The following FILIP1L variants were observed in gnomAD, a reference collection of about 807,000 sequenced individuals.
FILIP1L encodes the protein filamin A-interacting protein 1-like.
A neutral mutation model predicts 96.6 loss-of-function variants in FILIP1L; 55 were observed. The observed-to-expected ratio is 0.57, with a 90% CI of 0.46 to 0.71. FILIP1L has a LOEUF of 0.71. FILIP1L is among the 30% of genes least tolerant of loss of function. The pLI, the probability that FILIP1L is intolerant of heterozygous loss-of-function variation, is 0.00. For missense variants in FILIP1L, 1,304 were observed against 1,321.2 expected (o/e 0.99, Z 0.20); for synonymous variants, 467 against 473.9 (o/e 0.99, Z 0.19).
intron 4 of FILIP1L, among the ~76,000 whole-genome samples, chr3:99,883,243 A>G (rs2449106): frequency 0.69 from 104,527 of 152,148 alleles, 37,682 homozygotes; most frequent in African/African-American, 0.92. Flanking sequence ...AGTCCATTCC[A>G]TTCCAAACTG....
At chr3:100,055,050 T>G (rs1479084806) in intron 1 of FILIP1L, among the ~76,000 whole-genome samples, 1 of 152,178 alleles carries the variant, frequency 6.6e-6, no homozygotes, top group Non-Finnish European at 1.5e-5. Flanking sequence ...GCCCATAGTA[T>G]TTTGTTGTCA....
chr3:100,078,335 T>C (rs2065880985), intron 1 of FILIP1L, among the ~76,000 whole-genome samples: 1 of 152,232 alleles, frequency 6.6e-6, no homozygotes, highest in South Asian at 2.1e-4. Context: ...GAACTTTGCC[T>C]AATTTTTTTT....
At chr3:99,937,499 G>T (rs1285522258) in intron 1 of FILIP1L, among the ~76,000 whole-genome samples, 1 of 152,236 alleles carries the variant, frequency 6.6e-6, no homozygotes, top group East Asian at 1.9e-4. Flanking sequence ...GAATCAAATA[G>T]AACTGGTCTT....
At chr3:100,029,823 A>G (rs1184957380) in intron 1 of FILIP1L, among the ~76,000 whole-genome samples, 2 of 152,212 alleles carry the variant, frequency 1.3e-5, no homozygotes, top group Non-Finnish European at 2.9e-5. Context: ...AAAAGGGCAG[A>G]TTCTGAGTCA....
chr3:100,078,352 A>G (rs1016078045), intron 1 of FILIP1L, among the ~76,000 whole-genome samples: 6 of 152,156 alleles, frequency 3.9e-5, no homozygotes, highest in Non-Finnish European at 7.4e-5. Flanking sequence ...TTTTTCTGTT[A>G]CAGTTCTTAC....
intron 1 of FILIP1L, among the ~76,000 whole-genome samples, chr3:99,999,342 G>A (rs1381851032): frequency 2.0e-5 from 3 of 152,192 alleles, no homozygotes; most frequent in Admixed American, 6.5e-5. Flanking sequence ...AATGGAAGGC[G>A]TGTATATTCC....
intron 1 of FILIP1L, among the ~76,000 whole-genome samples, chr3:100,089,386 A>G (rs2066065827): frequency 6.6e-6 from 1 of 152,194 alleles, no homozygotes. Context: ...CTACTCAACA[A>G]TGCTAGCTAA....
chr3:99,968,419 G>T (rs1331370563), intron 1 of FILIP1L, among the ~76,000 whole-genome samples: 1 of 147,378 alleles, frequency 6.8e-6, no homozygotes, highest in Non-Finnish European at 1.5e-5. Flanking sequence ...GAAAAACTAT[G>T]TTTTTGGGGG....
chr3:99,979,209 A>G (rs770670102), intron 1 of FILIP1L, among the ~76,000 whole-genome samples: 27 of 152,180 alleles, frequency 1.8e-4, no homozygotes, highest in Non-Finnish European at 3.4e-4. Context: ...AATATATACA[A>G]TTACCTATCA....
intron 4 of FILIP1L, among the ~76,000 whole-genome samples, chr3:99,862,419 A>G (rs1039911464): frequency 2.0e-5 from 3 of 152,210 alleles, no homozygotes; most frequent in African/African-American, 7.2e-5. Context: ...AAGGCTTTTC[A>G]TGGATCTTTT....
intron 1 of FILIP1L, among the ~76,000 whole-genome samples, chr3:100,110,672 A>G (rs2066475721): frequency 6.6e-6 from 1 of 151,982 alleles, no homozygotes; most frequent in African/African-American, 2.4e-5. Flanking sequence ...CATCAGAAAA[A>G]CCTTCTCCAT....
chr3:100,046,530 A>G (rs2065281685), intron 1 of FILIP1L, among the ~76,000 whole-genome samples: 1 of 151,600 alleles, frequency 6.6e-6, no homozygotes, highest in Non-Finnish European at 1.5e-5. Flanking sequence ...GAATTCCCCA[A>G]CTCCCCCCAG....
At chr3:99,898,631 T>G (rs1334685407) in intron 4 of FILIP1L, 2 of 191,672 alleles carry the variant, frequency 1.0e-5, no homozygotes, top group Non-Finnish European at 2.2e-5. Context: ...CTGGGCATGA[T>G]GGCGGGTGCC....
At chr3:99,988,341 C>CAAA (rs63321762) in intron 1 of FILIP1L, among the ~76,000 whole-genome samples, 27 of 62,294 alleles carry the variant, frequency 4.3e-4, no homozygotes, top group African/African-American at 1.0e-3. Flanking sequence ...ACTAAAAATC[C>CAAA]AAAAAAAAAA....
chr3:100,040,732 G>A (rs1348298373), intron 1 of FILIP1L: 1 of 152,216 alleles, frequency 6.6e-6, no homozygotes, highest in East Asian at 1.9e-4. Context: ...CCAAGAGGTT[G>A]TGACATTTTG....
intron 4 of FILIP1L, among the ~76,000 whole-genome samples, chr3:99,894,378 C>G (rs1427818959): frequency 6.6e-6 from 1 of 152,168 alleles, no homozygotes; most frequent in Non-Finnish European, 1.5e-5. Flanking sequence ...CAGGTCTGGC[C>G]AGAGGTGGAT....
chr3:99,862,444 G>T (rs1363488131), intron 4 of FILIP1L, among the ~76,000 whole-genome samples: 1 of 152,160 alleles, frequency 6.6e-6, no homozygotes, highest in African/African-American at 2.4e-5. Flanking sequence ...TATGCACATG[G>T]TTAGTCATAA....
At chr3:99,933,038 T>C (rs1367495706) in intron 1 of FILIP1L, among the ~76,000 whole-genome samples, 1 of 152,206 alleles carries the variant, frequency 6.6e-6, no homozygotes, top group Non-Finnish European at 1.5e-5. Context: ...GTAGGGAATA[T>C]TATTATCTCC....
intron 1 of FILIP1L, among the ~76,000 whole-genome samples, chr3:99,978,588 C>T (rs964666258): frequency 6.6e-5 from 10 of 152,144 alleles, no homozygotes; most frequent in South Asian, 2.1e-4. Context: ...CTAAAAAAGT[C>T]GATCTCATAG....
Sources: allele counts gnomAD v4.1 joint callset (sites outside exome capture counted in the v4.1 genomes callset), GRCh38; gene constraint gnomAD v4.1.1; transcripts MANE v1.5; gene names NCBI Gene and HGNC (gene_info 2026-07-23, HGNC 2026-07-21).